Variants in VGLL4 observed in about 807,000 individuals in gnomAD.
VGLL4 encodes the protein vestigial like family member 4, also known as transcription cofactor vestigial-like protein 4.
A neutral mutation model predicts 21.0 loss-of-function variants in VGLL4; 7 were observed. The ratio of observed to expected loss-of-function variants is 0.33; its 90% confidence interval spans 0.19 to 0.63. The LOEUF (loss-of-function observed/expected upper bound fraction) is 0.63, where lower values mean the gene tolerates loss of function less well. Among genes scored for constraint, VGLL4 ranks in the 20% least tolerant of loss-of-function variants. The probability of loss-of-function intolerance (pLI) is 0.78; values close to 1 mark genes in which losing one functional copy is unlikely to be tolerated. For synonymous variants in VGLL4, 222 were observed against 173.2 expected, an observed-to-expected ratio of 1.28 and a Z score of -2.21; for missense variants, 394 against 425.7, an observed-to-expected ratio of 0.93 and a Z score of 0.66.
Position 11,719,621 on chromosome 3 carries a change from G to GGAGCGCGA in VGLL4, c.-14+765_-14+772dup, listed in dbSNP as rs1438169963. 1 of 152,174 alleles carries GGAGCGCGA rather than the reference G, an allele frequency of 6.6e-6. No homozygotes were observed. The highest frequency in any genetic ancestry group is 1.9e-4 in the East Asian group (1 of 5,140). The allele number at this position is 152,174 out of a possible 1,614,324, so 9.4% of individuals were successfully genotyped here. ...GACCGGGCCGGCGGACGGGAGCGCG[G>GGAGCGCGA]GAGCGCGAGGAATCCCTGGAATGAG... On this transcript the variant is annotated intron_variant, in intron 1 of 5. Transcript: ENST00000273038. This position sits in a 1 kb window ranked among gnomAD's most constrained non-coding sequence, Gnocchi z 4.0.
At chr3:11,564,509 GAA>G (rs1451443561) in intron 3 of VGLL4, among the ~76,000 whole-genome samples, 1 of 152,204 alleles carries the variant, frequency 6.6e-6, no homozygotes, top group Non-Finnish European at 1.5e-5. Flanking sequence ...ACTGGGAGAG[GAA>G]AGAGATGAAG....
chr3:11,558,454 T>TGG lies in VGLL4; in HGVS notation c.*101_*102insCC. ...TTTGCAAATAAACCATCCCTTCCCT[T>TGG]CCCCCCACCCCACCCCCATGATTTT... On this transcript the variant is annotated 3_prime_UTR_variant, in exon 5 of 5. Transcript: ENST00000430365. 15 of 1,064,144 alleles carry TGG rather than the reference T, an allele frequency of 1.4e-5. No homozygotes were observed. Among genetic ancestry groups the TGG allele is most frequent in the Non-Finnish European group, 1.8e-5 (14 of 775,570 alleles). 65.9% of individuals were successfully genotyped at this position (1,064,144 alleles called of 1,614,324 possible). A position where few individuals can be genotyped will look rare whatever the true frequency, so the allele number is the denominator to read the frequency against.
chr3:11,666,734 T>G (rs1034351576), intron 2 of VGLL4, among the ~76,000 whole-genome samples: 4 of 152,122 alleles, frequency 2.6e-5, no homozygotes, highest in Non-Finnish European at 5.9e-5. Context: ...AGACATTCTG[T>G]AAACACCAAA....
chr3:11,590,388 T>C (rs985121786), intron 2 of VGLL4, among the ~76,000 whole-genome samples: 2 of 152,224 alleles, frequency 1.3e-5, no homozygotes, highest in Admixed American at 6.5e-5. Flanking sequence ...GGAGCTTGTT[T>C]CTATGTAGAT....
At chr3:11,574,837 G>GTGTGTA (rs2073987761) in intron 2 of VGLL4, among the ~76,000 whole-genome samples, 1 of 141,756 alleles carries the variant, frequency 7.1e-6, no homozygotes, top group African/African-American at 2.6e-5. Flanking sequence ...GTGTGTGTGT[G>GTGTGTA]TATTTTAAAA....
intron 1 of VGLL4, among the ~76,000 whole-genome samples, chr3:11,709,902 G>A (rs2076815642): frequency 6.6e-6 from 1 of 152,120 alleles, no homozygotes; most frequent in Non-Finnish European, 1.5e-5. Context: ...CTGAGGCTGC[G>A]TAATTTATAA....
chr3:11,639,049 C>G (rs1217882916), intron 1 of VGLL4, among the ~76,000 whole-genome samples: 1 of 152,186 alleles, frequency 6.6e-6, no homozygotes, highest in African/African-American at 2.4e-5. Context: ...CTACTTTCTC[C>G]CAATATAAAT....
intron 1 of VGLL4, among the ~76,000 whole-genome samples, chr3:11,617,547 T>C (rs890636641): frequency 6.6e-6 from 1 of 152,224 alleles, no homozygotes. Flanking sequence ...ACAATGTTCC[T>C]ATCAGTGAGG....
At chr3:11,657,530 AG>A (rs1219659166) in intron 2 of VGLL4, among the ~76,000 whole-genome samples, 2 of 104 alleles carry the variant, frequency 0.019, no homozygotes, top group African/African-American at 0.083. Context: ...CAATGGTGAG[AG>A]GATCTTAACT....
At chr3:11,581,957 A>G (rs2074240957) in intron 2 of VGLL4, among the ~76,000 whole-genome samples, 1 of 152,204 alleles carries the variant, frequency 6.6e-6, no homozygotes, top group South Asian at 2.1e-4. Flanking sequence ...CCAATCCATG[A>G]AGGAAACAAT....
chr3:11,573,839 C>G (rs899391090), intron 2 of VGLL4, among the ~76,000 whole-genome samples: 1 of 152,184 alleles, frequency 6.6e-6, no homozygotes, highest in Non-Finnish European at 1.5e-5. Context: ...GTGAGCTTAT[C>G]TGAAATAGGG....
At chr3:11,680,781 C>T (rs1575525580) in intron 2 of VGLL4, among the ~76,000 whole-genome samples, 2 of 152,218 alleles carry the variant, frequency 1.3e-5, no homozygotes, top group East Asian at 1.9e-4. Flanking sequence ...TCTCTGCCAC[C>T]GACTTGCTGT....
intron 2 of VGLL4, among the ~76,000 whole-genome samples, chr3:11,596,747 A>C (rs1317245177): frequency 6.6e-6 from 1 of 152,208 alleles, no homozygotes; most frequent in Non-Finnish European, 1.5e-5. Flanking sequence ...CTGAGGAACT[A>C]GATTTTTAAT....
At chr3:11,582,315 A>C in intron 2 of VGLL4, 1 of 1,598,926 alleles carries the variant, frequency 6.3e-7, no homozygotes, top group Non-Finnish European at 8.5e-7. Flanking sequence ...AAGAGCATGA[A>C]GACAGCCCAG....
At position 11,669,981 on chromosome 3, in the gene VGLL4, A is replaced by G. The variant is rs187154468; in HGVS notation, c.64+32990T>C. 2.0e-5 allele frequency among the ~76,000 whole-genome samples: 3 copies of G among 152,278 alleles called. No individual in the cohort carries two copies. The East Asian group carries it at 5.8e-4, about 29-fold the overall frequency. ...AGAATATCACTCTTTTCAATGTTTCAATTCTGCCATGCTTTGGTAAAACTA... is the reference window on the plus strand; with the variant it reads ...AGAATATCACTCTTTTCAATGTTTCGATTCTGCCATGCTTTGGTAAAACTA... On this transcript the variant is annotated intron_variant, in intron 2 of 5. Transcript: ENST00000273038.
chr3:11,626,933 T>C (rs1000929324), intron 1 of VGLL4, among the ~76,000 whole-genome samples: 1 of 148,766 alleles, frequency 6.7e-6, no homozygotes, highest in African/African-American at 2.5e-5. Flanking sequence ...AAGGAATTCA[T>C]ATTTTAGATA....
intron 1 of VGLL4, among the ~76,000 whole-genome samples, chr3:11,619,791 C>A (rs2075230542): frequency 6.6e-6 from 1 of 152,166 alleles, no homozygotes; most frequent in Non-Finnish European, 1.5e-5. Flanking sequence ...CTCTAGGCAG[C>A]AAAGATGTTA....
At chr3:11,616,139 T>C in intron 1 of VGLL4, among the ~76,000 whole-genome samples, 1 of 151,958 alleles carries the variant, frequency 6.6e-6, no homozygotes, top group African/African-American at 2.4e-5. Flanking sequence ...CTCTTTCTCT[T>C]CCCTCCCCCG....
At chr3:11,618,688 A>C (rs932390769) in intron 1 of VGLL4, among the ~76,000 whole-genome samples, 1 of 152,218 alleles carries the variant, frequency 6.6e-6, no homozygotes, top group Non-Finnish European at 1.5e-5. Context: ...TTAAATAATA[A>C]AGTAAAAAAG....
Sources: allele counts gnomAD v4.1 joint callset (sites outside exome capture counted in the v4.1 genomes callset), GRCh38; gene constraint gnomAD v4.1.1; non-coding constraint Gnocchi (gnomAD v3.1); transcripts MANE v1.5; gene names NCBI Gene and HGNC (gene_info 2026-07-23, HGNC 2026-07-21).